The following NRG3 variants were observed in gnomAD, a reference collection of about 807,000 sequenced individuals.
NRG3 encodes pro-neuregulin-3, membrane-bound isoform.
In NRG3, 31 loss-of-function variants were observed where a neutral mutation model predicts 66.9. The observed-to-expected ratio is 0.46, with a 90% CI of 0.35 to 0.63. The LOEUF (loss-of-function observed/expected upper bound fraction) is 0.63, where lower values mean the gene tolerates loss of function less well. Among genes scored for constraint, NRG3 ranks in the 20% least tolerant of loss-of-function variants. The pLI, the probability that NRG3 is intolerant of heterozygous loss-of-function variation, is 0.00. For missense variants in NRG3, 910 were observed against 878.9 expected (o/e 1.04, Z -0.45); for synonymous variants, 393 against 359.4 (o/e 1.09, Z -1.06).
At chr10:82,900,331 T>C (rs1030159949) in intron 4 of NRG3, among the ~76,000 whole-genome samples, 1 of 152,210 alleles carries the variant, frequency 6.6e-6, no homozygotes, top group Admixed American at 6.5e-5. Flanking sequence ...AAAATGTCAA[T>C]ACTTTTATTT....
In NRG3 at chr10:82,584,426, G is replaced by T. The variant is rs187775373; in HGVS notation, c.954-154151G>T. ...CTCAGGAGCCAACTCCATTAAATTT[G>T]GGTGGCTTCCTGGTAAACTTCAGCC... On this transcript the variant is annotated intron_variant, in intron 2 of 8. Coordinates refer to ENST00000372141, the MANE Select transcript of NRG3 (RefSeq NM_001010848.4). Among the ~76,000 whole-genome samples, 284 of 152,242 alleles carry T rather than the reference G, an allele frequency of 1.9e-3. 1 individual carries two copies. The highest frequency in any genetic ancestry group is 4.6e-3 in the African/African-American group (193 of 41,544).
intron 3 of NRG3, among the ~76,000 whole-genome samples, chr10:82,781,961 A>G (rs2060133666): frequency 6.6e-6 from 1 of 152,062 alleles, no homozygotes; most frequent in Admixed American, 6.6e-5. Flanking sequence ...TTGCTTTGCT[A>G]CTTTCCACTC....
At chr10:81,925,497 C>T (rs1846677675) in intron 1 of NRG3, among the ~76,000 whole-genome samples, 1 of 152,098 alleles carries the variant, frequency 6.6e-6, no homozygotes, top group African/African-American at 2.4e-5. Flanking sequence ...TATCATACTC[C>T]AGGGAAATTT....
intron 2 of NRG3, among the ~76,000 whole-genome samples, chr10:82,662,505 C>T (rs918077623): frequency 6.6e-6 from 1 of 152,036 alleles, no homozygotes; most frequent in Non-Finnish European, 1.5e-5. Context: ...GTCTCAAAAC[C>T]ACACAGGAAA....
intron 2 of NRG3, among the ~76,000 whole-genome samples, chr10:82,623,052 T>C (rs2049148325): frequency 6.6e-6 from 1 of 152,168 alleles, no homozygotes; most frequent in South Asian, 2.1e-4. Flanking sequence ...CTCTGCCAGA[T>C]ATTTTTTAAT....
chr10:82,671,067 T>G (rs1292190435), intron 2 of NRG3, among the ~76,000 whole-genome samples: 1 of 152,146 alleles, frequency 6.6e-6, no homozygotes, highest in East Asian at 1.9e-4. Context: ...ACAATGAGCT[T>G]GGGACCCTAG....
intron 1 of NRG3, among the ~76,000 whole-genome samples, chr10:82,272,551 G>C (rs920087172): frequency 6.6e-6 from 1 of 151,956 alleles, no homozygotes; most frequent in African/African-American, 2.4e-5. Flanking sequence ...TAGATGAAGT[G>C]GATACTCACC....
intron 1 of NRG3, among the ~76,000 whole-genome samples, chr10:82,166,309 A>G (rs2072057369): frequency 1.3e-5 from 2 of 152,162 alleles, no homozygotes; most frequent in African/African-American, 4.8e-5. Context: ...ATGAGCCACC[A>G]GGTCCGGCCT....
At chr10:82,824,380 T>C (rs1156392641) in intron 3 of NRG3, among the ~76,000 whole-genome samples, 1 of 152,250 alleles carries the variant, frequency 6.6e-6, no homozygotes, top group Non-Finnish European at 1.5e-5. Context: ...CTTCTCTATA[T>C]ACCCAGAGGT....
rs971270976 is a variant in NRG3, at chr10:82,848,819, G to A, written c.1028-16592G>A. 2.6e-5 allele frequency among the ~76,000 whole-genome samples: 4 copies of A among 152,266 alleles called. No homozygotes were observed. In the East Asian group the frequency reaches 7.7e-4, roughly 29 times the overall value. On this transcript the variant is annotated intron_variant, in intron 3 of 8. Transcript: ENST00000372141. ...GTGAATAAGTCTCACGAGATCTGAG[G>A]GTTTTATAAAGGGTGGTTCCCCTGC...
chr10:82,640,712 A>G (rs2050514207), intron 2 of NRG3, among the ~76,000 whole-genome samples: 1 of 152,166 alleles, frequency 6.6e-6, no homozygotes, highest in Admixed American at 6.6e-5. Context: ...AATTATGACA[A>G]TCATTTAGAT....
chr10:82,535,592 A>G (rs1458844413), intron 2 of NRG3, among the ~76,000 whole-genome samples: 1 of 152,154 alleles, frequency 6.6e-6, no homozygotes, highest in Non-Finnish European at 1.5e-5. Context: ...TCGGGAAAGA[A>G]ATGATAAAGG....
At chr10:82,825,114 A>G (rs1251531598) in intron 3 of NRG3, among the ~76,000 whole-genome samples, 1 of 152,120 alleles carries the variant, frequency 6.6e-6, no homozygotes, top group Non-Finnish European at 1.5e-5. Context: ...CCCATTCTCT[A>G]TGCTGTCTTC....
chr10:82,166,665 GAA>G, intron 1 of NRG3: 1 of 458,214 alleles, frequency 2.2e-6, no homozygotes, highest in Non-Finnish European at 3.9e-6. Flanking sequence ...TGTATATATA[GAA>G]AAATATATAT....
chr10:82,098,086 CAT>C (rs1491016991), intron 1 of NRG3, among the ~76,000 whole-genome samples: 9 of 146,020 alleles, frequency 6.2e-5, no homozygotes, highest in African/African-American at 2.3e-4. Flanking sequence ...CACACACACA[CAT>C]CATATATATG....
At position 82,985,350 on chromosome 10, in the gene NRG3, G is replaced by T; in HGVS notation, c.1836G>T (p.Val612=). ...KNSYSADVVN[V]SIPVSDCLIA... ...CCTATTCAGCTGACGTTGTCAATGT[G>T]AGTATTCCAGTCAGCGATTGTCTTA... is the stretch of plus-strand genomic sequence containing the variant. Residue 612 remains valine, a synonymous_variant, in exon 9 of 9, where the codon GTG becomes GTT. Coordinates refer to ENST00000372141, the MANE Select transcript of NRG3 (RefSeq NM_001010848.4). 5.6e-6 allele frequency: 9 copies of T among 1,614,138 alleles called. No homozygotes were observed. The highest frequency in any genetic ancestry group is 7.6e-6 in the Non-Finnish European group (9 of 1,180,014).
intron 1 of NRG3, among the ~76,000 whole-genome samples, chr10:81,904,453 C>G (rs1350158028): frequency 6.6e-6 from 1 of 152,016 alleles, no homozygotes; most frequent in East Asian, 1.9e-4. Flanking sequence ...GTTGCTTAGT[C>G]TCTGCTTGGA....
In NRG3 at chr10:82,642,777, G is replaced by A. The variant is rs930052037; in HGVS notation, c.954-95800G>A. Reference sequence around the variant, plus strand: ...AAACAAAAAGCTGCTGAAAGATATCGTCAACATTTGTGAAACATTTAGATA... The same window carrying A: ...AAACAAAAAGCTGCTGAAAGATATCATCAACATTTGTGAAACATTTAGATA... On this transcript the variant is annotated intron_variant, in intron 2 of 8. Transcript: ENST00000372141. Among the ~76,000 whole-genome samples, 11 of 151,942 alleles carry A rather than the reference G, an allele frequency of 7.2e-5. No homozygotes were observed. In the South Asian group the frequency reaches 1.0e-3, roughly 14 times the overall value.
intron 2 of NRG3, among the ~76,000 whole-genome samples, chr10:82,715,323 G>C (rs139640834): frequency 6.6e-6 from 1 of 152,092 alleles, no homozygotes; most frequent in African/African-American, 2.4e-5. Context: ...CCTTGAACCC[G>C]GAGGCAGAGG....
Sources: gnomAD v4.1 joint callset for allele counts (sites outside exome capture counted in the v4.1 genomes callset) on GRCh38, gnomAD v4.1.1 for gene constraint, MANE v1.5 for transcripts, NCBI Gene and HGNC (gene_info 2026-07-23, HGNC 2026-07-21) for gene names.